EVC2: variants seen among roughly 807,000 people sequenced by gnomAD.
EVC2 encodes the protein EvC ciliary complex subunit 2.
In EVC2, 148 loss-of-function variants were observed where a neutral mutation model predicts 149.3. The observed-to-expected ratio is 0.99, with a 90% CI of 0.87 to 1.14. The LOEUF (loss-of-function observed/expected upper bound fraction) is 1.14. EVC2 is among the 50% of genes most tolerant of loss of function. EVC2 has a pLI of 0.00. For synonymous variants in EVC2, 776 were observed against 649.9 expected (o/e 1.19, Z -2.95); for missense variants, 1,854 against 1,627.3 (o/e 1.14, Z -2.40).
chr4:5,604,351 G>C (rs1395104704), intron 16 of EVC2, among the ~76,000 whole-genome samples: 1 of 152,220 alleles, frequency 6.6e-6, no homozygotes, highest in African/African-American at 2.4e-5. Flanking sequence ...ATAAGCAGTT[G>C]ACTCTTGAAT....
At chr4:5,592,695 T>C (rs1215605246) in intron 16 of EVC2, among the ~76,000 whole-genome samples, 1 of 152,164 alleles carries the variant, frequency 6.6e-6, no homozygotes, top group Non-Finnish European at 1.5e-5. Flanking sequence ...AGAGTATAAC[T>C]AGTATATCAT....
intron 10 of EVC2, among the ~76,000 whole-genome samples, chr4:5,632,333 T>C (rs1716607952): frequency 6.6e-6 from 1 of 152,088 alleles, no homozygotes; most frequent in African/African-American, 2.4e-5. Flanking sequence ...GCACACAGCA[T>C]ATACACACAC....
chr4:5,708,580 G>T (rs1722374982), upstream of EVC2: 5 of 1,181,226 alleles, frequency 4.2e-6, no homozygotes, highest in Non-Finnish European at 5.5e-6. Context: ...CCGGACCCCA[G>T]GCCCGCCCCG....
chr4:5,617,560 G>C (rs1196880338), intron 15 of EVC2, among the ~76,000 whole-genome samples: 1 of 152,070 alleles, frequency 6.6e-6, no homozygotes, highest in East Asian at 1.9e-4. Context: ...CCAGACAAAG[G>C]GGAAGTCAAG....
intron 15 of EVC2, among the ~76,000 whole-genome samples, chr4:5,617,078 G>A (rs995802563): frequency 1.3e-5 from 2 of 150,692 alleles, no homozygotes; most frequent in Non-Finnish European, 2.9e-5. Flanking sequence ...AAGAACAGAA[G>A]TAGGGAAAAA....
intron 19 of EVC2, among the ~76,000 whole-genome samples, chr4:5,568,961 C>T (rs59555564): frequency 0.023 from 3,563 of 152,264 alleles, 102 homozygotes; most frequent in African/African-American, 0.08. Flanking sequence ...CTCCTCCTCA[C>T]ATTCTGTGAG....
rs150367317 is a variant in EVC2, at chr4:5,665,607, C to A, written c.913G>T (p.Ala305Ser). ...HGLHAAGFFI[A>S]FLLSLVLTWA... ...GTCAGCACAAGGGAGAGGAGGAAGGCAATGAAGAACCCTGCTGCGTGGAGG... is the reference window on the plus strand; with the variant it reads ...GTCAGCACAAGGGAGAGGAGGAAGGAAATGAAGAACCCTGCTGCGTGGAGG... Residue 305 changes from alanine (A) to serine (S), a missense_variant, in exon 8 of 22, where the codon GCC becomes TCC. Ala to Ser is a moderately conservative substitution (Grantham distance 99). Transcript: ENST00000344408. 4.5e-4 allele frequency: 726 copies of A among 1,614,192 alleles called. 6 individuals are homozygous for A. In the Middle Eastern group the frequency reaches 7.6e-3, roughly 17 times the overall value.
In EVC2 at chr4:5,699,805, G is replaced by C. The variant is rs116750845; in HGVS notation, c.229-2158C>G. Among the ~76,000 whole-genome samples the C allele has an allele frequency of 6.4e-3, 969 of 151,644 alleles. 14 individuals are homozygous for C. The highest frequency in any genetic ancestry group is 0.022 in the African/African-American group (929 of 41,366). On this transcript the variant is annotated intron_variant, in intron 1 of 21. Coordinates refer to ENST00000344408, the MANE Select transcript of EVC2 (RefSeq NM_147127.5). ...GCCACTGCACTCCAGCCCAGAAGAC[G>C]AAGTGAGACCCTCTCTGAAAAAAAT...
chr4:5,593,524 T>C (rs1006512274), intron 16 of EVC2, among the ~76,000 whole-genome samples: 2 of 152,184 alleles, frequency 1.3e-5, no homozygotes, highest in African/African-American at 4.8e-5. Flanking sequence ...ATTGGGAGAA[T>C]AAGGCTAAAG....
rs375595646 is a variant in EVC2 at position 5,650,638 on chromosome 4, TAGAGAGAG to T, written c.1146-9808_1146-9801del. Reference sequence around the variant, plus strand: ...ATATATATATATATATATATATATATAGAGAGAGAGAGAGAGAGAGAGAGAGAGAGAGA... The same window carrying T: ...ATATATATATATATATATATATATATAGAGAGAGAGAGAGAGAGAGAGAGA... On this transcript the variant is annotated intron_variant, in intron 9 of 21. Transcript: ENST00000344408. Among the ~76,000 whole-genome samples the T allele has an allele frequency of 6.8e-3, 307 of 45,016 alleles. 1 individual carries two copies. The highest frequency in any genetic ancestry group is 0.019 in the East Asian group (21 of 1,126). The allele number at this position is 45,016 out of a possible 152,430, so 29.5% of individuals were successfully genotyped here. A position where few individuals can be genotyped will look rare whatever the true frequency, so the allele number is the denominator to read the frequency against.
intron 9 of EVC2, among the ~76,000 whole-genome samples, chr4:5,643,988 C>A (rs1220711578): frequency 6.6e-6 from 1 of 152,218 alleles, no homozygotes; most frequent in Non-Finnish European, 1.5e-5. Context: ...TGTCTTTTTA[C>A]AATTGAACAT....
chr4:5,552,664 C>T (rs568589085), intron 21 of EVC2, among the ~76,000 whole-genome samples: 1 of 152,262 alleles, frequency 6.6e-6, no homozygotes, highest in South Asian at 2.1e-4. Context: ...CCACAGTTGC[C>T]TTTGATTGGT....
chr4:5,696,544 C>T lies in EVC2; in HGVS notation c.283+1049G>A, dbSNP rs1721490470. 6.6e-6 allele frequency among the ~76,000 whole-genome samples: 1 copy of T among 152,220 alleles called. No individual in the cohort carries two copies. The highest frequency in any genetic ancestry group is 6.5e-5 in the Admixed American group (1 of 15,286). ...TGTCACAGCCGCTGGGAAGTCTGCG[C>T]TGCAGGTGCCAGCCATGAGGCTCAG... is the stretch of plus-strand genomic sequence containing the variant. On this transcript the variant is annotated intron_variant, in intron 2 of 21. Coordinates refer to ENST00000344408, the MANE Select transcript of EVC2 (RefSeq NM_147127.5). The surrounding 1 kb of genome is among the most constrained non-coding windows in gnomAD (Gnocchi z 4.1).
At chr4:5,699,658 A>AG (rs1231030488) in intron 1 of EVC2, among the ~76,000 whole-genome samples, 1 of 149,816 alleles carries the variant, frequency 6.7e-6, no homozygotes, top group Non-Finnish European at 1.5e-5. Flanking sequence ...AAAAAAAAAA[A>AG]GAAAAAAAGA....
rs1345687316 is a variant in EVC2, at chr4:5,576,298, T to C, written c.3214A>G (p.Thr1072Ala). 3 of 1,614,160 alleles carry C rather than the reference T, an allele frequency of 1.9e-6. No homozygotes were observed. Among genetic ancestry groups the C allele is most frequent in the East Asian group, 2.2e-5 (1 of 44,872 alleles). ...GEVDSERQVS[T>A]VLHQALSKSQ... The stretch of plus-strand genomic sequence containing the variant: ...TTGCTCAGGGCTTGGTGCAGGACAG[T>C]AGAGACCTGCCTTTCAGAATCCACC... The change falls in exon 18 of 22, where the codon ACT becomes GCT. Residue 1072 changes from threonine (T) to alanine (A), a missense_variant. Thr to Ala is a moderately conservative substitution (Grantham distance 58, BLOSUM62 0). Transcript: ENST00000344408. This position sits in a 1 kb window ranked among gnomAD's most constrained non-coding sequence, Gnocchi z 4.5.
intron 9 of EVC2, among the ~76,000 whole-genome samples, chr4:5,648,448 T>C (rs1438963936): frequency 6.6e-6 from 1 of 152,220 alleles, no homozygotes; most frequent in Non-Finnish European, 1.5e-5. Context: ...TGGCAGGTGC[T>C]GTACCAGGTG....
intron 16 of EVC2, among the ~76,000 whole-genome samples, chr4:5,605,272 G>A (rs1175671747): frequency 6.6e-6 from 1 of 152,208 alleles, no homozygotes; most frequent in Non-Finnish European, 1.5e-5. Flanking sequence ...AGGATGCCCT[G>A]CAGATCTCTG....
intron 3 of EVC2, 49 bp downstream of exon 3, chr4:5,694,275 CATAATTGGTTT>C: frequency 4.4e-6 from 7 of 1,575,950 alleles, no homozygotes; most frequent in Non-Finnish European, 5.2e-6. Flanking sequence ...ATATACAGGC[CATAATTGGTTT>C]ATTTCCAACT....
chr4:5,556,662 A>T lies in EVC2; in HGVS notation c.3419+8596T>A, dbSNP rs147904857. On this transcript the variant is annotated intron_variant and NMD_transcript_variant, in intron 21 of 22. Transcript: ENST00000475313. ...AACCAGAAGCTGGTTCTCTGAAAACATCAATCTAATTGACAAACAGCTAAC... is the reference window on the plus strand; with the variant it reads ...AACCAGAAGCTGGTTCTCTGAAAACTTCAATCTAATTGACAAACAGCTAAC... Among the ~76,000 whole-genome samples, 843 of 152,290 alleles carry T rather than the reference A, an allele frequency of 5.5e-3. 7 individuals are homozygous for T. Among genetic ancestry groups the T allele is most frequent in the African/African-American group, 0.02 (813 of 41,584 alleles).
Sources: gnomAD v4.1 joint callset for allele counts (sites outside exome capture counted in the v4.1 genomes callset) on GRCh38, gnomAD v4.1.1 for gene constraint, Gnocchi (gnomAD v3.1) non-coding constraint, MANE v1.5 for transcripts, NCBI Gene and HGNC (gene_info 2026-07-23, HGNC 2026-07-21) for gene names.